Variants in FBXO15 observed in about 807,000 individuals in gnomAD.
The protein encoded by FBXO15 is F-box protein 15.
FBXO15 carries 30 observed loss-of-function variants against 49.5 expected under a neutral mutation model. The ratio of observed to expected loss-of-function variants is 0.61; its 90% CI spans 0.45 to 0.82. The LOEUF (loss-of-function observed/expected upper bound fraction) is 0.82, where lower values mean the gene tolerates loss of function less well. Among genes scored for constraint, FBXO15 ranks in the 40% least tolerant of loss-of-function variants. FBXO15 has a pLI of 0.00. For synonymous variants in FBXO15, 250 were observed against 232.7 expected (o/e 1.07, Z -0.68); for missense variants, 591 against 631.5 (o/e 0.94, Z 0.69).
intron 8 of FBXO15, among the ~76,000 whole-genome samples, chr18:74,106,264 C>T (rs1913760895): frequency 6.6e-6 from 1 of 151,898 alleles, no homozygotes; most frequent in South Asian, 2.1e-4. Context: ...TAGAACTTAC[C>T]ATATTTACAA....
intron 3 of FBXO15, among the ~76,000 whole-genome samples, chr18:74,134,990 T>G (rs187803981): frequency 3.9e-4 from 59 of 152,298 alleles, no homozygotes; most frequent in African/African-American, 1.3e-3. Flanking sequence ...GATCTTTTGA[T>G]GCTAAATGAG....
At chr18:74,113,563 C>T (rs1187887003) in intron 8 of FBXO15, among the ~76,000 whole-genome samples, 1 of 152,062 alleles carries the variant, frequency 6.6e-6, no homozygotes, top group East Asian at 1.9e-4. Context: ...TACCTTCCTC[C>T]CAGTTTTGCT....
chr18:74,123,235 G>A (rs562835310), intron 8 of FBXO15, 133 bp downstream of exon 8: 44 of 922,274 alleles, frequency 4.8e-5, no homozygotes, highest in Non-Finnish European at 5.3e-5. Context: ...GATGACACAC[G>A]GGTCTGGGAG....
rs1912523196 is a variant in FBXO15, at chr18:74,082,029, C to T, written c.1161G>A (p.Val387=). The part of the protein sequence containing the change: ...TKRGNIENGH[V]KLIVIHLKNN... The stretch of plus-strand genomic sequence containing the variant: ...TTTTTAAATGTATAACAATGAGCTT[C>T]ACATGTCCATTTTCAATATTTCCTG... Residue 387 remains valine, a synonymous_variant, in exon 9 of 10, where the codon GTG becomes GTA. Coordinates refer to ENST00000419743, the MANE Select transcript of FBXO15 (RefSeq NM_001142958.2). 6.2e-7 allele frequency: 1 copy of T among 1,611,540 alleles called. No homozygotes were observed. Among genetic ancestry groups the T allele is most frequent in the Admixed American group, 1.7e-5 (1 of 59,526 alleles).
At chr18:74,084,045 C>A (rs1304963188) in intron 8 of FBXO15, among the ~76,000 whole-genome samples, 1 of 152,180 alleles carries the variant, frequency 6.6e-6, no homozygotes, top group African/African-American at 2.4e-5. Flanking sequence ...AAACATGATC[C>A]AAACCCTGTT....
chr18:74,140,415 A>G (rs1429508109), intron 1 of FBXO15, 103 bp from the exon 2 acceptor site: 11 of 1,015,728 alleles, frequency 1.1e-5, no homozygotes, highest in Non-Finnish European at 1.5e-5. Flanking sequence ...TCCAAAGATT[A>G]CTCACTGAAA....
intron 8 of FBXO15, chr18:74,122,860 T>C (rs1463580915): frequency 1.3e-5 from 2 of 152,412 alleles, no homozygotes; most frequent in African/African-American, 4.8e-5. Context: ...GAATGGGGCA[T>C]TCTCCACTCC....
chr18:74,116,957 A>G (rs1276617892), intron 8 of FBXO15, among the ~76,000 whole-genome samples: 1 of 152,118 alleles, frequency 6.6e-6, no homozygotes, highest in African/African-American at 2.4e-5. Flanking sequence ...TACATTCCAC[A>G]GACGTGACGA....
chr18:74,145,886 C>A (rs557142598), intron 1 of FBXO15, among the ~76,000 whole-genome samples: 6 of 152,342 alleles, frequency 3.9e-5, no homozygotes, highest in South Asian at 2.1e-4. Flanking sequence ...GCGTGAGCCA[C>A]TGCACCCGGC....
At chr18:74,139,927 CA>C (rs1978959412) in intron 2 of FBXO15, among the ~76,000 whole-genome samples, 1 of 152,096 alleles carries the variant, frequency 6.6e-6, no homozygotes, top group South Asian at 2.1e-4. Flanking sequence ...GGGTCTTTAT[CA>C]ACTCAAAAGT....
rs370302885 is a variant in FBXO15 at position 74,125,948 on chromosome 18, C to G, written c.912+27G>C. 48 of 1,611,572 alleles carry G rather than the reference C, an allele frequency of 3.0e-5. No homozygotes were observed. In the African/African-American group the frequency reaches 6.1e-4, roughly 21 times the overall value. ...GTGGTATTGTGATGGGGAAATGACA[C>G]AGTACATACAGGGACTCAAGTCTTA... is the stretch of plus-strand genomic sequence containing the variant. On this transcript the variant is annotated intron_variant, in intron 6 of 9. Coordinates refer to ENST00000419743, the MANE Select transcript of FBXO15 (RefSeq NM_001142958.2).
At chr18:74,120,157 T>C (rs966380190) in intron 8 of FBXO15, among the ~76,000 whole-genome samples, 6 of 152,234 alleles carry the variant, frequency 3.9e-5, no homozygotes, top group African/African-American at 9.6e-5. Context: ...AGGGATATCA[T>C]AGTCTCCAGT....
rs565756123 is a variant in FBXO15, at chr18:74,142,143, TTATATGACTTTCTAGCC to T, written c.117-1848_117-1832del. Among the ~76,000 whole-genome samples the T allele has an allele frequency of 2.1e-4, 32 of 152,348 alleles. No homozygotes were observed. The South Asian group carries it at 6.6e-3, about 32-fold the overall frequency. On this transcript the variant is annotated intron_variant, in intron 1 of 9. Transcript: ENST00000419743. Reference sequence around the variant, plus strand: ...AAAGGTGCTTAATATACTTTTGGTCTTATATGACTTTCTAGCCAATGGTTTTCAATCTGTGCTCTGCA... The same window carrying T: ...AAAGGTGCTTAATATACTTTTGGTCTAATGGTTTTCAATCTGTGCTCTGCA...
intron 8 of FBXO15, chr18:74,099,773 A>G (rs998505137): frequency 3.3e-5 from 5 of 152,208 alleles, no homozygotes; most frequent in African/African-American, 1.2e-4. Context: ...CTATTCTTAT[A>G]TCATTAAAAC....
rs903620543 is a variant in FBXO15 at position 74,075,304 on chromosome 18, TGC to T, written c.1264-1576_1264-1575del. On this transcript the variant is annotated intron_variant, in intron 9 of 9. Transcript: ENST00000419743. The surrounding 1 kb of genome is among the most constrained non-coding windows in gnomAD (Gnocchi z 4.1). ...CTGCAGATCCACAGCCCAGCTCCTC[TGC>T]GCCCACCTCTCCTCACATGTGTTTC... 8.5e-5 allele frequency among the ~76,000 whole-genome samples: 13 copies of T among 152,204 alleles called. No homozygotes were observed. Among genetic ancestry groups the T allele is most frequent in the African/African-American group, 3.1e-4 (13 of 41,462 alleles).
At chr18:74,122,106 T>C (rs1214843727) in intron 8 of FBXO15, among the ~76,000 whole-genome samples, 1 of 152,216 alleles carries the variant, frequency 6.6e-6, no homozygotes, top group Non-Finnish European at 1.5e-5. Flanking sequence ...AAGAGGTAAC[T>C]GCGCCATGCC....
rs1433271662 is a variant in FBXO15, at chr18:74,074,473, A to G, written c.1264-743T>C. On this transcript the variant is annotated intron_variant, in intron 9 of 9. Transcript: ENST00000419743. The surrounding 1 kb of genome is among the most constrained non-coding windows in gnomAD (Gnocchi z 4.7). ...GACTTGACCTCAGTTATTCACTCCC[A>G]CAGTCACATGGCCGACACAGCACTT... is the stretch of plus-strand genomic sequence containing the variant. Among the ~76,000 whole-genome samples, 1 of 152,048 alleles carries G rather than the reference A, an allele frequency of 6.6e-6. No individual in the cohort carries two copies. Among genetic ancestry groups the G allele is most frequent in the African/African-American group, 2.4e-5 (1 of 41,390 alleles).
At chr18:74,078,108 C>T (rs1297628978) in intron 9 of FBXO15, among the ~76,000 whole-genome samples, 1 of 152,060 alleles carries the variant, frequency 6.6e-6, no homozygotes, top group African/African-American at 2.4e-5. Flanking sequence ...AGCCCTAAGC[C>T]GTCGGTGGGT....
chr18:74,105,302 A>C (rs1190341710), intron 8 of FBXO15, among the ~76,000 whole-genome samples: 1 of 152,240 alleles, frequency 6.6e-6, no homozygotes, highest in African/African-American at 2.4e-5. Flanking sequence ...AAATAATTCA[A>C]ATGTTTCTAA....
Sources: allele counts gnomAD v4.1 joint callset (sites outside exome capture counted in the v4.1 genomes callset), GRCh38; gene constraint gnomAD v4.1.1; non-coding constraint Gnocchi (gnomAD v3.1); transcripts MANE v1.5; gene names NCBI Gene and HGNC (gene_info 2026-07-23, HGNC 2026-07-21).